Variants in L3MBTL3 observed in about 807,000 individuals in gnomAD.
L3MBTL3 encodes lethal(3)malignant brain tumor-like protein 3.
A neutral mutation model predicts 102.3 loss-of-function variants in L3MBTL3; 27 were observed. That is an observed-to-expected ratio of 0.26 (90% confidence interval 0.19 to 0.36). L3MBTL3 has a LOEUF of 0.36. Among genes scored for constraint, L3MBTL3 ranks in the 10% least tolerant of loss-of-function variants. The pLI, the probability that L3MBTL3 is intolerant of heterozygous loss-of-function variation, is 1.00. For missense variants in L3MBTL3, 798 were observed against 955.3 expected (o/e 0.84, Z 2.17); for synonymous variants, 340 against 320.9 (o/e 1.06, Z -0.64).
In L3MBTL3 at chr6:130,101,642, G is replaced by A. The variant is rs781461658; in HGVS notation, c.1737-2784G>A. 6.6e-5 allele frequency among the ~76,000 whole-genome samples: 10 copies of A among 152,334 alleles called. No individual in the cohort carries two copies. The South Asian group carries it at 8.3e-4, about 13-fold the overall frequency. On this transcript the variant is annotated intron_variant, in intron 18 of 22. Coordinates refer to ENST00000361794, the MANE Select transcript of L3MBTL3 (RefSeq NM_032438.4). ...AAAGGGCAGGGGGACTGAGAGCAGT[G>A]GCGTGAGGGCCACATGCCCAGCAGC...
At chr6:130,086,708 ATG>A (rs1466172997) in intron 16 of L3MBTL3, among the ~76,000 whole-genome samples, 1 of 152,208 alleles carries the variant, frequency 6.6e-6, no homozygotes. Context: ...TAAAAGTCAA[ATG>A]CCTCTTAAAA....
At chr6:130,058,260 T>C (rs1781657699) in intron 9 of L3MBTL3, among the ~76,000 whole-genome samples, 1 of 152,084 alleles carries the variant, frequency 6.6e-6, no homozygotes. Context: ...AAAAGTGTTT[T>C]ATCATAAGTG....
intron 22 of L3MBTL3, among the ~76,000 whole-genome samples, chr6:130,137,294 C>T (rs1218464751): frequency 6.6e-6 from 1 of 152,138 alleles, no homozygotes; most frequent in East Asian, 1.9e-4. Flanking sequence ...AGGCCATTAG[C>T]AAGACACCTA....
intron 2 of L3MBTL3, among the ~76,000 whole-genome samples, chr6:130,027,893 T>G (rs886847545): frequency 6.6e-6 from 1 of 152,116 alleles, no homozygotes; most frequent in Non-Finnish European, 1.5e-5. Context: ...AAAATTTCTA[T>G]TATTACCCTT....
chr6:130,020,004 G>GGCC (rs1324354122), intron 1 of L3MBTL3, among the ~76,000 whole-genome samples: 1 of 131,392 alleles, frequency 7.6e-6, no homozygotes, highest in African/African-American at 2.8e-5. Flanking sequence ...CGGCGGCGGC[G>GGCC]GCCGCGCCGG....
At chr6:130,118,072 C>T (rs1785852911) in intron 19 of L3MBTL3, among the ~76,000 whole-genome samples, 1 of 151,860 alleles carries the variant, frequency 6.6e-6, no homozygotes, top group African/African-American at 2.4e-5. Flanking sequence ...CTCTTCATTC[C>T]TGACCTTATC....
intron 22 of L3MBTL3, among the ~76,000 whole-genome samples, chr6:130,136,617 C>G (rs1399738129): frequency 8.5e-6 from 1 of 117,146 alleles, no homozygotes; most frequent in Non-Finnish European, 1.9e-5. Flanking sequence ...AATCATAGCA[C>G]AAATCACCTT....
chr6:130,121,665 A>G (rs1390851552), intron 20 of L3MBTL3, among the ~76,000 whole-genome samples: 5 of 152,198 alleles, frequency 3.3e-5, no homozygotes, highest in Non-Finnish European at 7.3e-5. Flanking sequence ...AACGCAATTC[A>G]GAATGTGTTT....
chr6:130,098,863 CTTTTTTTTT>C (rs11332477), intron 18 of L3MBTL3, among the ~76,000 whole-genome samples: 2 of 118,524 alleles, frequency 1.7e-5, no homozygotes, highest in Non-Finnish European at 3.6e-5. Flanking sequence ...GTGTGTTTTT[CTTTTTTTTT>C]TTTTTTTTTT....
intron 16 of L3MBTL3, among the ~76,000 whole-genome samples, chr6:130,088,067 G>T (rs1783803081): frequency 6.6e-6 from 1 of 152,046 alleles, no homozygotes; most frequent in South Asian, 2.1e-4. Context: ...CAAGTGGGTG[G>T]TTCAGTTAGT....
chr6:130,072,263 A>C (rs1211072034), intron 13 of L3MBTL3, among the ~76,000 whole-genome samples: 1 of 152,150 alleles, frequency 6.6e-6, no homozygotes, highest in African/African-American at 2.4e-5. Context: ...TAGCATTTAC[A>C]TTGTATTAGG....
At chr6:130,086,000 G>T (rs1038820961) in intron 15 of L3MBTL3, 140 bp from the exon 16 acceptor site, 2 of 589,162 alleles carry the variant, frequency 3.4e-6, no homozygotes, top group East Asian at 6.7e-5. Context: ...TGATCCGCCC[G>T]CCTCAGCCTT....
chr6:130,027,146 C>T (rs1466361252), intron 2 of L3MBTL3, among the ~76,000 whole-genome samples: 5 of 152,098 alleles, frequency 3.3e-5, no homozygotes, highest in Non-Finnish European at 5.9e-5. Flanking sequence ...AATTATATCT[C>T]TCTGTTATAT....
intron 14 of L3MBTL3, among the ~76,000 whole-genome samples, 164 bp downstream of exon 14, chr6:130,078,798 G>C (rs1584386671): frequency 6.6e-6 from 1 of 152,220 alleles, no homozygotes; most frequent in East Asian, 1.9e-4. Flanking sequence ...ATAGACAATA[G>C]GTAAACCAAT....
intron 16 of L3MBTL3, among the ~76,000 whole-genome samples, chr6:130,088,022 T>A (rs567566814): frequency 5.9e-5 from 9 of 152,174 alleles, no homozygotes; most frequent in African/African-American, 1.4e-4. Flanking sequence ...ATTTTACATA[T>A]GAGAAATTTT....
At chr6:130,020,828 C>T (rs1234747194) in intron 1 of L3MBTL3, among the ~76,000 whole-genome samples, 1 of 151,548 alleles carries the variant, frequency 6.6e-6, no homozygotes, top group Admixed American at 6.6e-5. Context: ...TCCCCCTCAC[C>T]GCCCCCACCC....
rs139753012 is a variant in L3MBTL3 at position 130,096,844 on chromosome 6, T to C, written c.1736+2477T>C. ...CTTTCCAGTGGAATTAGAATCATAATAGAGAATTACTCATTTTCTTGGAAG... is the reference window on the plus strand; with the variant it reads ...CTTTCCAGTGGAATTAGAATCATAACAGAGAATTACTCATTTTCTTGGAAG... On this transcript the variant is annotated intron_variant, in intron 18 of 22. Transcript: ENST00000361794. 5.7e-3 allele frequency among the ~76,000 whole-genome samples: 872 copies of C among 152,342 alleles called. 7 individuals are homozygous for C. The highest frequency in any genetic ancestry group is 0.034 in the Middle Eastern group (10 of 294).
intron 5 of L3MBTL3, among the ~76,000 whole-genome samples, chr6:130,050,944 G>A (rs575948838): frequency 9.2e-5 from 14 of 152,220 alleles, no homozygotes; most frequent in Admixed American, 1.3e-4. Flanking sequence ...TCTATAGATC[G>A]ATATATGCGT....
chr6:130,026,397 A>T (rs970141747), intron 2 of L3MBTL3, among the ~76,000 whole-genome samples: 1 of 152,252 alleles, frequency 6.6e-6, no homozygotes, highest in Non-Finnish European at 1.5e-5. Context: ...AGGGAAAATG[A>T]TACTGGCATA....
Sources: gnomAD v4.1 joint callset for allele counts (sites outside exome capture counted in the v4.1 genomes callset) on GRCh38, gnomAD v4.1.1 for gene constraint, MANE v1.5 for transcripts, NCBI Gene and HGNC (gene_info 2026-07-23, HGNC 2026-07-21) for gene names.